UBE3C: variants seen among roughly 807,000 people sequenced by gnomAD.
UBE3C encodes the protein ubiquitin protein ligase E3C.
Under a neutral mutation model 129.4 loss-of-function variants are expected in UBE3C, and 42 were observed. That is an observed-to-expected ratio of 0.32 (90% CI 0.25 to 0.42). The LOEUF is 0.42. UBE3C is among the 10% of genes least tolerant of loss of function. The pLI, the probability that UBE3C is intolerant of heterozygous loss-of-function variation, is 1.00. For missense variants in UBE3C, 1,049 were observed against 1,319.1 expected (o/e 0.80, Z 3.17); for synonymous variants, 510 against 492.4 (o/e 1.04, Z -0.47).
intron 22 of UBE3C, among the ~76,000 whole-genome samples, chr7:157,262,391 T>TGTAA (rs1796939113): frequency 7.0e-6 from 1 of 141,928 alleles, no homozygotes; most frequent in Non-Finnish European, 1.5e-5. Flanking sequence ...ATAAGAATCA[T>TGTAA]GTAAGTCTCT....
In UBE3C at chr7:157,230,781, C is replaced by T. The variant is rs149882925; in HGVS notation, c.2234-299C>T. 2.2e-3 allele frequency among the ~76,000 whole-genome samples: 328 copies of T among 151,486 alleles called. 1 individual carries two copies. The highest frequency in any genetic ancestry group is 7.7e-3 in the African/African-American group (318 of 41,266). On this transcript the variant is annotated intron_variant, in intron 17 of 22. Transcript: ENST00000348165. ...CATTCAAAGCCATCCCGAGCCACATCGGCCTGTGGGCTGCAGGTTGAGGAC... is the reference window on the plus strand; with the variant it reads ...CATTCAAAGCCATCCCGAGCCACATTGGCCTGTGGGCTGCAGGTTGAGGAC...
At chr7:157,184,056 G>C in intron 9 of UBE3C, 27 bp downstream of exon 9, 1 of 1,608,328 alleles carries the variant, frequency 6.2e-7, no homozygotes, top group Non-Finnish European at 8.5e-7. Flanking sequence ...GCATCTGGGG[G>C]GCTGCGATGC....
At chr7:157,220,632 A>G (rs1795711855) in intron 14 of UBE3C, 57 bp from the exon 15 acceptor site, 1 of 1,599,252 alleles carries the variant, frequency 6.3e-7, no homozygotes, top group African/African-American at 1.3e-5. Flanking sequence ...AAGTGTGATC[A>G]GGTCAAAGTG....
At chr7:157,164,324 T>G in intron 2 of UBE3C, 1 of 456,036 alleles carries the variant, frequency 2.2e-6, no homozygotes, top group South Asian at 1.5e-5. Context: ...GCCCAGCTAA[T>G]TTTTAAGATT....
intron 1 of UBE3C, among the ~76,000 whole-genome samples, chr7:157,156,373 C>T (rs1447610545): frequency 7.5e-6 from 1 of 133,918 alleles, no homozygotes; most frequent in Non-Finnish European, 1.5e-5. Flanking sequence ...GTGGCATGAT[C>T]TCGGCTCACT....
chr7:157,267,936 T>C lies in UBE3C; in HGVS notation c.*181T>C, dbSNP rs1027364532. The C allele has an allele frequency of 4.4e-5, 22 of 498,870 alleles. No individual in the cohort carries two copies. The highest frequency in any genetic ancestry group is 4.0e-4 in the African/African-American group (20 of 49,762). 30.9% of individuals were successfully genotyped at this position (498,870 alleles called of 1,614,324 possible). Reference sequence around the variant, plus strand: ...ATTTTTATTACGGTGTGGTCACTTATTTAGATGGACATTGCTTTTCAAATA... The same window carrying C: ...ATTTTTATTACGGTGTGGTCACTTACTTAGATGGACATTGCTTTTCAAATA... On this transcript the variant is annotated 3_prime_UTR_variant, in exon 23 of 23. Transcript: ENST00000348165.
At chr7:157,150,965 C>A (rs999061503) in intron 1 of UBE3C, among the ~76,000 whole-genome samples, 1 of 152,200 alleles carries the variant, frequency 6.6e-6, no homozygotes, top group East Asian at 1.9e-4. Flanking sequence ...AGAGTCAGTT[C>A]TCGGCCGCTT....
In UBE3C at chr7:157,183,870, T is replaced by G. The variant is rs1481491838; in HGVS notation, c.992-8T>G. The G allele has an allele frequency of 1.9e-6, 3 of 1,607,606 alleles. No individual in the cohort carries two copies. The highest frequency in any genetic ancestry group is 2.5e-6 in the Non-Finnish European group (3 of 1,176,946). On this transcript the variant is annotated splice_region_variant and splice_polypyrimidine_tract_variant and intron_variant, in intron 8 of 22. Transcript: ENST00000348165. ...CTAAAATACGTTTTAACTGATTGTT[T>G]TGCAAAGGGGCCCTCTCTGAGGAAG...
intron 1 of UBE3C, 146 bp downstream of exon 1, chr7:157,139,484 T>G: frequency 2.8e-6 from 2 of 705,112 alleles, no homozygotes; most frequent in Non-Finnish European, 4.0e-6. Context: ...ACTCGGGGCT[T>G]CCTCGCCGGA....
intron 18 of UBE3C, among the ~76,000 whole-genome samples, chr7:157,237,774 A>G (rs931311287): frequency 2.6e-5 from 4 of 152,118 alleles, no homozygotes; most frequent in Admixed American, 2.0e-4. Flanking sequence ...TGTTGGGTGC[A>G]GTAGCTCATA....
chr7:157,216,785 C>A, intron 13 of UBE3C, 82 bp from the exon 14 acceptor site: 1 of 1,114,676 alleles, frequency 9.0e-7, no homozygotes, highest in Non-Finnish European at 1.3e-6. Context: ...GCTGTGTGCT[C>A]CTCCTCGAGT....
At chr7:157,185,879 GTTA>G (rs1298419236) in intron 9 of UBE3C, among the ~76,000 whole-genome samples, 1 of 152,078 alleles carries the variant, frequency 6.6e-6, no homozygotes, top group Non-Finnish European at 1.5e-5. Flanking sequence ...TGTTTGGTAA[GTTA>G]TTATAAATTA....
chr7:157,249,241 TC>T (rs1584820863), intron 19 of UBE3C, among the ~76,000 whole-genome samples: 1 of 151,536 alleles, frequency 6.6e-6, no homozygotes, highest in Non-Finnish European at 1.5e-5. Context: ...ATTAGCAGGC[TC>T]CCCCACCTCC....
intron 17 of UBE3C, among the ~76,000 whole-genome samples, chr7:157,228,440 G>A (rs1056630898): frequency 6.6e-6 from 1 of 152,220 alleles, no homozygotes; most frequent in Non-Finnish European, 1.5e-5. Flanking sequence ...TTGACTCTTG[G>A]GTGAGAGTGA....
chr7:157,207,175 C>G (rs546014309), intron 11 of UBE3C, among the ~76,000 whole-genome samples: 45 of 152,178 alleles, frequency 3.0e-4, no homozygotes, highest in African/African-American at 9.6e-4. Flanking sequence ...TAGCAGAAAC[C>G]TTAGTGAAGA....
chr7:157,165,440 C>T (rs190112114), intron 2 of UBE3C, among the ~76,000 whole-genome samples: 47 of 149,566 alleles, frequency 3.1e-4, no homozygotes, highest in Admixed American at 2.6e-3. Flanking sequence ...CTTTGTCAAC[C>T]GGGCTGGACT....
chr7:157,238,189 A>G (rs1047728208), intron 18 of UBE3C, among the ~76,000 whole-genome samples: 3 of 152,202 alleles, frequency 2.0e-5, no homozygotes, highest in African/African-American at 7.2e-5. Context: ...TTGTTTCTAA[A>G]CTTAAAATCA....
rs939774936 is a variant in UBE3C at position 157,186,687 on chromosome 7, C to T, written c.1144-147C>T. On this transcript the variant is annotated intron_variant, in intron 9 of 22. Coordinates refer to ENST00000348165, the MANE Select transcript of UBE3C (RefSeq NM_014671.3). ...TTGACTGGATCCCTAGAGGATTTCACACTAAGTGTACTGTGATGTAGATAA... is the reference window on the plus strand; with the variant it reads ...TTGACTGGATCCCTAGAGGATTTCATACTAAGTGTACTGTGATGTAGATAA... 5.9e-5 allele frequency: 51 copies of T among 866,302 alleles called. No individual in the cohort carries two copies. In the South Asian group the frequency reaches 8.1e-4, roughly 14 times the overall value. 53.7% of individuals were successfully genotyped at this position (866,302 alleles called of 1,614,324 possible).
Position 157,181,659 on chromosome 7 carries a change from C to G in UBE3C, c.758C>G (p.Pro253Arg). The G allele has an allele frequency of 1.2e-6, 2 of 1,613,428 alleles. No individual in the cohort carries two copies. Residue 253 changes from proline (P) to arginine (R), a missense_variant, in exon 7 of 23, where the codon CCG becomes CGG. Physicochemically the swap from Pro to Arg is moderately radical, Grantham distance 103 (BLOSUM62 -2). Coordinates refer to ENST00000348165, the MANE Select transcript of UBE3C (RefSeq NM_014671.3). ...TTGCACTTTACTTACAACTCCTGTC[C>G]GGAAGGTGCGAGGTGAGACTGGAAT... ...KPLHFTYNSC[P>R]EGARQQVFTA...
Sources: gnomAD v4.1 joint callset for allele counts (sites outside exome capture counted in the v4.1 genomes callset) on GRCh38, gnomAD v4.1.1 for gene constraint, MANE v1.5 for transcripts, NCBI Gene and HGNC (gene_info 2026-07-23, HGNC 2026-07-21) for gene names.